DAPK2: variants seen among roughly 807,000 people sequenced by gnomAD.
DAPK2 encodes death-associated protein kinase 2.
DAPK2 carries 35 observed loss-of-function variants against 44.1 expected under a neutral mutation model. The ratio of observed to expected loss-of-function variants is 0.79; its 90% CI spans 0.61 to 1.05. The LOEUF (loss-of-function observed/expected upper bound fraction) is 1.05. DAPK2 is among the 50% of genes least tolerant of loss of function. The probability of loss-of-function intolerance (pLI) is 0.00; values close to 1 mark genes in which losing one functional copy is unlikely to be tolerated. For missense variants in DAPK2, 453 were observed against 483.2 expected (o/e 0.94, Z 0.59); for synonymous variants, 174 against 182.6 (o/e 0.95, Z 0.38).
chr15:63,979,594 A>G (rs1292252213), intron 2 of DAPK2, among the ~76,000 whole-genome samples: 1 of 152,168 alleles, frequency 6.6e-6, no homozygotes, highest in Non-Finnish European at 1.5e-5. Flanking sequence ...GACCAGCCTA[A>G]CAGGAGTCAC....
At chr15:63,934,032 CTTTCT>C (rs1457740933) in intron 4 of DAPK2, among the ~76,000 whole-genome samples, 4 of 151,830 alleles carry the variant, frequency 2.6e-5, no homozygotes, top group African/African-American at 9.7e-5. Flanking sequence ...TTTTCTTTTC[CTTTCT>C]TGCCTTCTTT....
chr15:63,963,757 CACTGTCATATAATTCA>C (rs2077977677), intron 3 of DAPK2, among the ~76,000 whole-genome samples: 1 of 152,164 alleles, frequency 6.6e-6, no homozygotes, highest in Admixed American at 6.5e-5. Flanking sequence ...GGCTTGCAAA[CACTGTCATATAATTCA>C]TTATTTTAAA....
intron 1 of DAPK2, among the ~76,000 whole-genome samples, chr15:63,994,364 A>G (rs144493848): frequency 2.4e-4 from 37 of 152,206 alleles, no homozygotes; most frequent in African/African-American, 8.4e-4. Context: ...TTACAAATAA[A>G]ACATTCTTGA....
chr15:64,032,198 T>G (rs186618941), intron 1 of DAPK2, among the ~76,000 whole-genome samples: 251 of 152,178 alleles, frequency 1.6e-3, no homozygotes, highest in African/African-American at 5.8e-3. Flanking sequence ...ATGTGTAACA[T>G]GAGGTATGAT....
Position 63,980,714 on chromosome 15 carries a change from C to T in DAPK2, c.314+2819G>A, listed in dbSNP as rs1277245111. On this transcript the variant is annotated intron_variant, in intron 2 of 10. Coordinates refer to ENST00000261891, the Ensembl canonical transcript of DAPK2. The surrounding 1 kb of genome is among the most constrained non-coding windows in gnomAD (Gnocchi z 4.3). ...AAGCATGTGTCCAACAATAAGGATGCTATGGTTTGACTATTTGTGCCCTAC... is the reference window on the plus strand; with the variant it reads ...AAGCATGTGTCCAACAATAAGGATGTTATGGTTTGACTATTTGTGCCCTAC... Among the ~76,000 whole-genome samples the T allele has an allele frequency of 6.6e-6, 1 of 152,196 alleles. No individual in the cohort carries two copies. Among genetic ancestry groups the T allele is most frequent in the Non-Finnish European group, 1.5e-5 (1 of 68,028 alleles).
chr15:63,962,314 G>A (rs2077926609), intron 3 of DAPK2, among the ~76,000 whole-genome samples: 1 of 152,182 alleles, frequency 6.6e-6, no homozygotes, highest in South Asian at 2.1e-4. Flanking sequence ...AGAGAAGTTT[G>A]TTATTACCGA....
chr15:63,943,268 AT>A (rs1567222360), intron 3 of DAPK2, among the ~76,000 whole-genome samples: 1 of 151,996 alleles, frequency 6.6e-6, no homozygotes, highest in African/African-American at 2.4e-5. Context: ...TACAAAAAAA[AT>A]TTTTAAAAAT....
At chr15:64,040,952 C>T (rs1037212655), upstream of DAPK2, among the ~76,000 whole-genome samples, 6 of 144,190 alleles carry the variant, frequency 4.2e-5, no homozygotes, top group South Asian at 4.6e-4. Context: ...GTCCTAGGTA[C>T]AAGCCCCAGT....
chr15:63,915,814 G>C (rs2078912336), intron 8 of DAPK2, among the ~76,000 whole-genome samples: 1 of 152,196 alleles, frequency 6.6e-6, no homozygotes, highest in Non-Finnish European at 1.5e-5. Context: ...GGGCCTTCCT[G>C]GTTGTTAAGA....
chr15:63,923,255 C>T lies in DAPK2; in HGVS notation c.858+1561G>A. The T allele has an allele frequency of 2.0e-6, 3 of 1,535,922 alleles. No individual in the cohort carries two copies. The highest frequency in any genetic ancestry group is 2.6e-6 in the Non-Finnish European group (3 of 1,146,734). On this transcript the variant is annotated intron_variant, in intron 8 of 10. Transcript: ENST00000261891. This position sits in a 1 kb window ranked among gnomAD's most constrained non-coding sequence, Gnocchi z 4.2. ...GTTGTTGGGAGGCATGCTTGAGTGGCATTTGAGAGTGTACTCTCTCAGGTG... is the reference window on the plus strand; with the variant it reads ...GTTGTTGGGAGGCATGCTTGAGTGGTATTTGAGAGTGTACTCTCTCAGGTG...
At chr15:63,915,285 T>C (rs1356763219) in intron 8 of DAPK2, among the ~76,000 whole-genome samples, 1 of 152,198 alleles carries the variant, frequency 6.6e-6, no homozygotes, top group African/African-American at 2.4e-5. Flanking sequence ...GTTAGTCCTC[T>C]CTCCCTTGCA....
chr15:63,943,455 A>G (rs987058868), intron 3 of DAPK2, among the ~76,000 whole-genome samples: 2 of 152,194 alleles, frequency 1.3e-5, no homozygotes, highest in Admixed American at 1.3e-4. Context: ...AACCGAGACT[A>G]TAACATTAGT....
chr15:64,043,921 C>T (rs186766711), upstream of DAPK2, among the ~76,000 whole-genome samples: 3 of 152,272 alleles, frequency 2.0e-5, no homozygotes, highest in East Asian at 3.9e-4. Context: ...TAACTTAGTT[C>T]CCCAGCCTCC....
chr15:64,046,297 C>A lies in DAPK2; in HGVS notation c.-7+1G>T, dbSNP rs2080461335. Reference sequence around the variant, plus strand: ...CGAGCCCGCAGACGGGTGCTACTCACGGCGGGAGGCTGAGCTGCCGCGGTC... The same window carrying A: ...CGAGCCCGCAGACGGGTGCTACTCAAGGCGGGAGGCTGAGCTGCCGCGGTC... On this transcript the variant is annotated splice_donor_variant, in intron 1 of 11. Transcript: ENST00000457488. LOFTEE classifies it low-confidence loss of function (5UTR_SPLICE). This position sits in a 1 kb window ranked among gnomAD's most constrained non-coding sequence, Gnocchi z 5.3. 1 of 982,596 alleles carries A rather than the reference C, an allele frequency of 1.0e-6. No individual in the cohort carries two copies. The highest frequency in any genetic ancestry group is 1.2e-6 in the Non-Finnish European group (1 of 828,394). 60.9% of individuals were successfully genotyped at this position (982,596 alleles called of 1,614,324 possible). A position where few individuals can be genotyped will look rare whatever the true frequency, so the allele number is the denominator to read the frequency against.
At chr15:63,920,258 A>C (rs1360053249) in intron 8 of DAPK2, 1 of 152,094 alleles carries the variant, frequency 6.6e-6, no homozygotes, top group Non-Finnish European at 1.5e-5. Context: ...TGATAGTGCA[A>C]ATTCAGAAAG....
chr15:63,971,173 T>C (rs982159934), intron 3 of DAPK2, among the ~76,000 whole-genome samples: 2 of 152,164 alleles, frequency 1.3e-5, no homozygotes, highest in East Asian at 1.9e-4. Context: ...CTGAAATAAA[T>C]AAGGTGCCTG....
chr15:63,923,686 G>A lies in DAPK2; in HGVS notation c.858+1130C>T, dbSNP rs191464682. Reference sequence around the variant, plus strand: ...TGGAGCACGCAAGGCCAGGGCTCACGCAGCAGGGCTGAGGAGCATCTCTCC... The same window carrying A: ...TGGAGCACGCAAGGCCAGGGCTCACACAGCAGGGCTGAGGAGCATCTCTCC... On this transcript the variant is annotated intron_variant, in intron 8 of 10. Transcript: ENST00000261891. This position sits in a 1 kb window ranked among gnomAD's most constrained non-coding sequence, Gnocchi z 4.2. Among the ~76,000 whole-genome samples, 70 of 152,348 alleles carry A rather than the reference G, an allele frequency of 4.6e-4. No homozygotes were observed. Among genetic ancestry groups the A allele is most frequent in the African/African-American group, 1.5e-3 (64 of 41,576 alleles).
intron 3 of DAPK2, among the ~76,000 whole-genome samples, chr15:63,949,466 TC>T (rs1004433305): frequency 7.2e-5 from 11 of 152,296 alleles, no homozygotes; most frequent in African/African-American, 2.6e-4. Flanking sequence ...CTTCCCTTTA[TC>T]AGACCCTCAA....
At chr15:63,921,257 T>A (rs1209139837) in intron 8 of DAPK2, 3 of 152,190 alleles carry the variant, frequency 2.0e-5, no homozygotes, top group Non-Finnish European at 2.9e-5. Flanking sequence ...GGAGTAAACT[T>A]CTGGAGCCTG....
Sources: gnomAD v4.1 joint callset for allele counts (sites outside exome capture counted in the v4.1 genomes callset) on GRCh38, gnomAD v4.1.1 for gene constraint, Gnocchi (gnomAD v3.1) non-coding constraint, MANE v1.5 for transcripts, NCBI Gene and HGNC (gene_info 2026-07-23, HGNC 2026-07-21) for gene names.